Variants in RBM47 observed in about 807,000 individuals in gnomAD.
RBM47 encodes RNA binding motif protein 47, also known as RNA-binding protein 47.
RBM47 carries 21 observed loss-of-function variants against 47.1 expected under a neutral mutation model. The ratio of observed to expected loss-of-function variants is 0.45; its 90% confidence interval spans 0.32 to 0.64. The LOEUF (loss-of-function observed/expected upper bound fraction) is 0.64. Among genes scored for constraint, RBM47 ranks in the 30% least tolerant of loss-of-function variants. The pLI is 0.05. For synonymous variants in RBM47, 375 were observed against 361.7 expected (o/e 1.04, Z -0.42); for missense variants, 708 against 870.9 (o/e 0.81, Z 2.35).
chr4:40,564,566 G>A (rs1446501369), intron 1 of RBM47, among the ~76,000 whole-genome samples: 5 of 152,190 alleles, frequency 3.3e-5, no homozygotes, highest in Non-Finnish European at 7.3e-5. Flanking sequence ...TGGCTTTAAA[G>A]CAGGAGAAAT....
chr4:40,560,955 C>G (rs987279761), intron 1 of RBM47, among the ~76,000 whole-genome samples: 1 of 150,238 alleles, frequency 6.7e-6, no homozygotes, highest in Non-Finnish European at 1.5e-5. Context: ...AAAAGTAAGA[C>G]TCCTTCTCGG....
At chr4:40,436,971 G>T (rs1288928540) in intron 4 of RBM47, 3 of 442,728 alleles carry the variant, frequency 6.8e-6, no homozygotes, top group African/African-American at 6.6e-5. Flanking sequence ...CAGGTGTGGT[G>T]TCTTATGCCT....
At chr4:40,459,114 T>A (rs1413877415) in intron 3 of RBM47, among the ~76,000 whole-genome samples, 1 of 152,228 alleles carries the variant, frequency 6.6e-6, no homozygotes, top group Non-Finnish European at 1.5e-5. Flanking sequence ...AAAGGCTCTT[T>A]CCACTTCTTT....
At chr4:40,468,734 A>T (rs1295820946) in intron 2 of RBM47, among the ~76,000 whole-genome samples, 1 of 152,222 alleles carries the variant, frequency 6.6e-6, no homozygotes, top group Non-Finnish European at 1.5e-5. Flanking sequence ...GATCTCCTGA[A>T]AGAAAAAAAG....
At chr4:40,508,909 C>CACG (rs1724487573) in intron 2 of RBM47, among the ~76,000 whole-genome samples, 1 of 152,142 alleles carries the variant, frequency 6.6e-6, no homozygotes, top group African/African-American at 2.4e-5. Flanking sequence ...GCCTGTAATC[C>CACG]CAGCACTTTG....
At chr4:40,568,233 C>A (rs1199539576) in intron 1 of RBM47, among the ~76,000 whole-genome samples, 1 of 151,554 alleles carries the variant, frequency 6.6e-6, no homozygotes, top group Non-Finnish European at 1.5e-5. Context: ...CGAGACCAGC[C>A]TGGGCAACAT....
At chr4:40,454,010 G>C (rs960563524) in intron 3 of RBM47, among the ~76,000 whole-genome samples, 1 of 152,110 alleles carries the variant, frequency 6.6e-6, no homozygotes, top group African/African-American at 2.4e-5. Context: ...TCTAGAGTAC[G>C]GGGTAGACGC....
At chr4:40,608,891 C>A (rs1735994890) in intron 1 of RBM47, among the ~76,000 whole-genome samples, 1 of 152,192 alleles carries the variant, frequency 6.6e-6, no homozygotes, top group Non-Finnish European at 1.5e-5. Flanking sequence ...AGAGTTGGCC[C>A]ACTCATCCTG....
chr4:40,428,281 T>C (rs974123596), intron 6 of RBM47, among the ~76,000 whole-genome samples: 1 of 152,330 alleles, frequency 6.6e-6, no homozygotes, highest in East Asian at 1.9e-4. Context: ...TGTATGACAG[T>C]ATTGAATCAT....
intron 2 of RBM47, among the ~76,000 whole-genome samples, chr4:40,492,564 C>T (rs1045462983): frequency 6.6e-6 from 1 of 152,112 alleles, no homozygotes; most frequent in African/African-American, 2.4e-5. Flanking sequence ...TGTCCATGTT[C>T]CATGTTCTCC....
At chr4:40,452,109 G>A (rs1715533214) in intron 3 of RBM47, among the ~76,000 whole-genome samples, 1 of 151,678 alleles carries the variant, frequency 6.6e-6, no homozygotes, top group Non-Finnish European at 1.5e-5. Flanking sequence ...GGTAGAGGCT[G>A]CAATGAGCCG....
intron 1 of RBM47, among the ~76,000 whole-genome samples, chr4:40,624,324 G>A (rs1467298540): frequency 6.6e-6 from 1 of 152,178 alleles, no homozygotes; most frequent in Non-Finnish European, 1.5e-5. Flanking sequence ...GCTATGGAGT[G>A]TGAATTTAGT....
chr4:40,568,372 T>C (rs1000193924), intron 1 of RBM47, among the ~76,000 whole-genome samples: 5 of 135,174 alleles, frequency 3.7e-5, no homozygotes, highest in African/African-American at 1.4e-4. Context: ...GAGGCTGCAG[T>C]GAGCCATGAT....
At chr4:40,433,249 C>A (rs1310399400) in intron 5 of RBM47, among the ~76,000 whole-genome samples, 1 of 152,168 alleles carries the variant, frequency 6.6e-6, no homozygotes, top group East Asian at 1.9e-4. Context: ...GTGTGAGCCA[C>A]CGCGCCCAGC....
chr4:40,494,810 T>C lies in RBM47; in HGVS notation c.-154-28111A>G, dbSNP rs556536330. 2.0e-5 allele frequency among the ~76,000 whole-genome samples: 3 copies of C among 152,242 alleles called. No individual in the cohort carries two copies. The South Asian group carries it at 6.2e-4, about 32-fold the overall frequency. On this transcript the variant is annotated intron_variant, in intron 2 of 6. Transcript: ENST00000295971. Reference sequence around the variant, plus strand: ...GACTGCTATAGGTTTTCCTCAGGAATGGTAGAAAATAAAACCAACACAGAA... The same window carrying C: ...GACTGCTATAGGTTTTCCTCAGGAACGGTAGAAAATAAAACCAACACAGAA...
chr4:40,549,115 G>A (rs1016937543), intron 1 of RBM47, among the ~76,000 whole-genome samples: 2 of 150,198 alleles, frequency 1.3e-5, no homozygotes, highest in African/African-American at 5.0e-5. Context: ...TTTTTGGGGG[G>A]GGGGACACAG....
chr4:40,431,528 T>G (rs377227621), intron 6 of RBM47, among the ~76,000 whole-genome samples: 2,702 of 151,938 alleles, frequency 0.018, 27 homozygotes, highest in Non-Finnish European at 0.025. Flanking sequence ...CATGGTGGCG[T>G]GCGCCTGTAG....
At chr4:40,525,249 C>T (rs965333307) in intron 2 of RBM47, among the ~76,000 whole-genome samples, 1 of 152,108 alleles carries the variant, frequency 6.6e-6, no homozygotes, top group Non-Finnish European at 1.5e-5. Context: ...ACCAGCCTGG[C>T]CAACATGGCG....
intron 1 of RBM47, among the ~76,000 whole-genome samples, chr4:40,546,938 C>T (rs1729093451): frequency 6.6e-6 from 1 of 152,176 alleles, no homozygotes; most frequent in African/African-American, 2.4e-5. Flanking sequence ...AACTGAAAAG[C>T]ACCTAAGTTC....
Sources: allele counts gnomAD v4.1 joint callset (sites outside exome capture counted in the v4.1 genomes callset), GRCh38; gene constraint gnomAD v4.1.1; transcripts MANE v1.5; gene names NCBI Gene and HGNC (gene_info 2026-07-23, HGNC 2026-07-21).